AZIN2: variants seen among roughly 807,000 people sequenced by gnomAD.
The protein encoded by AZIN2 is ODC antizyme inhibitor-2.
AZIN2 carries 28 observed loss-of-function variants against 47.8 expected under a neutral mutation model. The observed-to-expected ratio is 0.59, with a 90% CI of 0.43 to 0.80. The LOEUF (loss-of-function observed/expected upper bound fraction) is 0.80, where lower values mean the gene tolerates loss of function less well. AZIN2 is among the 30% of genes least tolerant of loss of function. The pLI is 0.00. For synonymous variants in AZIN2, 221 were observed against 239.4 expected, an observed-to-expected ratio of 0.92 and a Z score of 0.71; for missense variants, 535 against 582.5, an observed-to-expected ratio of 0.92 and a Z score of 0.84.
At chr1:33,086,916 C>T (rs1009731495) in intron 5 of AZIN2, among the ~76,000 whole-genome samples, 1 of 152,206 alleles carries the variant, frequency 6.6e-6, no homozygotes, top group Non-Finnish European at 1.5e-5. Context: ...TAAGCCATTG[C>T]TTCCCAGCCT....
chr1:33,159,949 G>A, the AZIN2 span: 327 of 1,600,786 alleles, frequency 2.0e-4, 1 homozygote, highest in South Asian at 3.4e-3. The surrounding 1 kb of genome is among the most constrained non-coding windows in gnomAD (Gnocchi z 4.2). Flanking sequence ...GGAAGACTGT[G>A]GGGGACAGTC....
chr1:33,149,595 T>C, the AZIN2 span, among the ~76,000 whole-genome samples: 5 of 151,834 alleles, frequency 3.3e-5, no homozygotes, highest in African/African-American at 9.7e-5. Context: ...GCTGAGACTA[T>C]AGGCATGCAT....
intron 5 of AZIN2, among the ~76,000 whole-genome samples, 200 bp downstream of exon 5, chr1:33,084,327 G>C (rs950378989): frequency 6.6e-6 from 1 of 152,174 alleles, no homozygotes. Context: ...TGAAGTTCCA[G>C]ATTGGAATCT....
At chr1:33,091,164 C>T (rs1642506053) in intron 5 of AZIN2, among the ~76,000 whole-genome samples, 1 of 152,196 alleles carries the variant, frequency 6.6e-6, no homozygotes, top group Non-Finnish European at 1.5e-5. Flanking sequence ...CATGGGAGTG[C>T]AGATATCTCT....
At chr1:33,124,277 G>A (rs1052847319), downstream of AZIN2, among the ~76,000 whole-genome samples, 1 of 152,186 alleles carries the variant, frequency 6.6e-6, no homozygotes. This position sits in a 1 kb window ranked among gnomAD's most constrained non-coding sequence, Gnocchi z 4.6. Context: ...TGGTCACAGA[G>A]GACCTTGAAT....
the AZIN2 span, among the ~76,000 whole-genome samples, chr1:33,153,306 C>G: frequency 2.6e-5 from 4 of 152,192 alleles, no homozygotes; most frequent in Non-Finnish European, 2.9e-5. Context: ...TCTGAACTCC[C>G]CAGGGGCCTC....
At chr1:33,097,704 G>T (rs1643305676) in intron 9 of AZIN2, among the ~76,000 whole-genome samples, 1 of 152,176 alleles carries the variant, frequency 6.6e-6, no homozygotes, top group Non-Finnish European at 1.5e-5. Context: ...AAGAGACCTG[G>T]CTTCTCATTC....
chr1:33,109,250 C>T (rs1373072048), intron 10 of AZIN2, among the ~76,000 whole-genome samples: 1 of 151,650 alleles, frequency 6.6e-6, no homozygotes, highest in South Asian at 2.1e-4. Context: ...TTTTGGATAA[C>T]AGTCCTTTAT....
At chr1:33,091,842 C>T (rs1261659622) in intron 5 of AZIN2, among the ~76,000 whole-genome samples, 14 of 152,192 alleles carry the variant, frequency 9.2e-5, no homozygotes, top group African/African-American at 1.4e-4. Context: ...GTGTACCACC[C>T]GCATGGCTGT....
chr1:33,114,581 C>G (rs1399966712), intron 10 of AZIN2, among the ~76,000 whole-genome samples: 1 of 150,936 alleles, frequency 6.6e-6, no homozygotes, highest in Admixed American at 6.6e-5. Flanking sequence ...TCTCGATTTC[C>G]TGACCTCGTG....
chr1:33,094,499 T>C, intron 7 of AZIN2, 49 bp from the exon 8 acceptor site: 1 of 1,572,920 alleles, frequency 6.4e-7, no homozygotes, highest in South Asian at 1.1e-5. Flanking sequence ...GCTCAGGTGG[T>C]GGCACTTGGA....
chr1:33,164,223 T>C, the AZIN2 span: 1 of 152,266 alleles, frequency 6.6e-6, no homozygotes, highest in Non-Finnish European at 1.5e-5. Flanking sequence ...TGTCATGACC[T>C]TCCTGAGACC....
At chr1:33,103,622 A>G (rs561994888) in intron 10 of AZIN2, among the ~76,000 whole-genome samples, 116 of 152,114 alleles carry the variant, frequency 7.6e-4, no homozygotes, top group Non-Finnish European at 1.2e-3. Flanking sequence ...TTACTTGCCT[A>G]TAGTCTGTCT....
the AZIN2 span, among the ~76,000 whole-genome samples, chr1:33,161,430 A>G: frequency 6.6e-6 from 1 of 152,142 alleles, no homozygotes; most frequent in Non-Finnish European, 1.5e-5. This position sits in a 1 kb window ranked among gnomAD's most constrained non-coding sequence, Gnocchi z 4.3. Context: ...TGGAGTCAGA[A>G]ACCCCACTGT....
At chr1:33,157,905 CG>C in the AZIN2 span, among the ~76,000 whole-genome samples, 1 of 152,012 alleles carries the variant, frequency 6.6e-6, no homozygotes, top group Non-Finnish European at 1.5e-5. Flanking sequence ...TACAGGTGCA[CG>C]CCACCATGCC....
chr1:33,120,089 C>T lies in AZIN2; in HGVS notation c.1290C>T (p.Asp430=), dbSNP rs370127195. The T allele has an allele frequency of 2.7e-5, 43 of 1,614,046 alleles. No individual in the cohort carries two copies. Among genetic ancestry groups the T allele is most frequent in the Middle Eastern group, 1.7e-4 (1 of 6,060 alleles). ...TGATGGCTGCAGAACAGGAGGATGA[C>T]GTGGAGGGTGTGTGCAAGCCTCTGT... is the stretch of plus-strand genomic sequence containing the variant. ...RQLMAAEQED[D]VEGVCKPLSC... Residue 430 remains aspartate, a synonymous_variant, in exon 12 of 12, where the codon GAC becomes GAT. Coordinates refer to ENST00000294517, the MANE Select transcript of AZIN2 (RefSeq NM_052998.4).
chr1:33,088,674 A>G (rs1361271890), intron 5 of AZIN2, among the ~76,000 whole-genome samples: 2 of 152,166 alleles, frequency 1.3e-5, no homozygotes, highest in Non-Finnish European at 2.9e-5. Flanking sequence ...CTGTTCCTTG[A>G]TCAGGCTGAA....
intron 9 of AZIN2, 193 bp from the exon 10 acceptor site, chr1:33,097,874 G>T: frequency 1.7e-6 from 1 of 591,788 alleles, no homozygotes; most frequent in Non-Finnish European, 3.1e-6. Flanking sequence ...CTGCAGGGGT[G>T]AGTGTTCCTA....
At chr1:33,159,660 G>A in the AZIN2 span, 34 of 1,588,102 alleles carry the variant, frequency 2.1e-5, no homozygotes, top group Middle Eastern at 3.4e-4. This position sits in a 1 kb window ranked among gnomAD's most constrained non-coding sequence, Gnocchi z 4.2. Flanking sequence ...ATGGTCAGCC[G>A]GGGAGGGCCC....
Sources: allele counts gnomAD v4.1 joint callset (sites outside exome capture counted in the v4.1 genomes callset), GRCh38; gene constraint gnomAD v4.1.1; non-coding constraint Gnocchi (gnomAD v3.1); transcripts MANE v1.5; gene names NCBI Gene and HGNC (gene_info 2026-07-23, HGNC 2026-07-21).